Variants in TNFAIP8 observed in about 807,000 individuals in gnomAD.
The protein encoded by TNFAIP8 is tumor necrosis factor alpha-induced protein 8.
Under a neutral mutation model 13.3 loss-of-function variants are expected in TNFAIP8, and 7 were observed. The ratio of observed to expected loss-of-function variants is 0.52; its 90% CI spans 0.30 to 0.99. TNFAIP8 has a LOEUF of 0.99. Ranked by LOEUF, TNFAIP8 falls within the 50% of genes least tolerant of loss-of-function variation. The pLI is 0.07. For missense variants in TNFAIP8, 258 were observed against 236.9 expected, an observed-to-expected ratio of 1.09 and a Z score of -0.58; for synonymous variants, 94 against 87.6, an observed-to-expected ratio of 1.07 and a Z score of -0.41.
At chr5:119,303,135 AT>A (rs1749446711) in intron 1 of TNFAIP8, among the ~76,000 whole-genome samples, 1 of 152,146 alleles carries the variant, frequency 6.6e-6, no homozygotes, top group African/African-American at 2.4e-5. Context: ...TTCCCCACAG[AT>A]TCCTTTAGGG....
At chr5:119,359,987 T>C (rs1005421404) in intron 1 of TNFAIP8, among the ~76,000 whole-genome samples, 1 of 152,258 alleles carries the variant, frequency 6.6e-6, no homozygotes, top group Non-Finnish European at 1.5e-5. Flanking sequence ...AGATCTATCA[T>C]ACTCTCTCCT....
intron 1 of TNFAIP8, among the ~76,000 whole-genome samples, chr5:119,350,998 C>CTGTGTGTGTGTGTG (rs70982476): frequency 2.2e-5 from 3 of 137,872 alleles, no homozygotes; most frequent in African/African-American, 8.3e-5. Flanking sequence ...GGGTCTCACT[C>CTGTGTGTGTGTGTG]TGTGTGTGTG....
At chr5:119,290,917 G>A (rs1748963225) in intron 1 of TNFAIP8, among the ~76,000 whole-genome samples, 1 of 152,146 alleles carries the variant, frequency 6.6e-6, no homozygotes, top group Admixed American at 6.5e-5. Flanking sequence ...GTAGGAAGGG[G>A]TCAGGGCCTG....
chr5:119,318,926 T>A (rs1218279966), intron 1 of TNFAIP8, among the ~76,000 whole-genome samples: 1 of 152,176 alleles, frequency 6.6e-6, no homozygotes, highest in Non-Finnish European at 1.5e-5. Context: ...GTGGTTGGAA[T>A]GTTTTAAAAT....
chr5:119,273,081 G>T (rs529223927), intron 1 of TNFAIP8, among the ~76,000 whole-genome samples: 1 of 152,358 alleles, frequency 6.6e-6, no homozygotes, highest in Admixed American at 6.5e-5. Context: ...TGGTCCAAAT[G>T]ACTTTGCTGG....
intron 1 of TNFAIP8, among the ~76,000 whole-genome samples, chr5:119,333,806 G>A (rs1750459707): frequency 6.6e-6 from 1 of 152,152 alleles, no homozygotes. Flanking sequence ...CTATGGCTCT[G>A]GGTGTGGGGA....
At chr5:119,286,626 A>G (rs1019264409) in intron 1 of TNFAIP8, among the ~76,000 whole-genome samples, 1 of 151,778 alleles carries the variant, frequency 6.6e-6, no homozygotes, top group Non-Finnish European at 1.5e-5. Context: ...CCTCTCAAAA[A>G]AAAAAAAAAA....
In TNFAIP8 at chr5:119,392,845, C is replaced by G. The variant is rs747863089; in HGVS notation, c.61C>G (p.Leu21Val). The stretch of plus-strand genomic sequence containing the variant: ...CACAGATGTCTTTAATTCCAAAAAC[C>G]TGGCCGTTCAGGCACAAAAGAAGAT... The part of the protein sequence containing the change: ...VATDVFNSKN[L>V]AVQAQKKILG... Residue 21 changes from leucine (L) to valine (V), a missense_variant, in exon 2 of 2, where the codon CTG becomes GTG. Transcript: ENST00000504771. The G allele has an allele frequency of 4.5e-6, 7 of 1,550,458 alleles. No individual in the cohort carries two copies. In the South Asian group the frequency reaches 6.0e-5, roughly 13 times the overall value.
intron 1 of TNFAIP8, among the ~76,000 whole-genome samples, chr5:119,314,314 A>T (rs1204121473): frequency 6.6e-6 from 1 of 152,262 alleles, no homozygotes; most frequent in African/African-American, 2.4e-5. Context: ...ATAAATGCTG[A>T]TAGAAATAGT....
chr5:119,379,767 ATT>A (rs545895991), intron 1 of TNFAIP8, among the ~76,000 whole-genome samples: 1 of 151,778 alleles, frequency 6.6e-6, no homozygotes, highest in Non-Finnish European at 1.5e-5. Context: ...ATTTTTTTGT[ATT>A]TTTAGTAGAG....
intron 1 of TNFAIP8, among the ~76,000 whole-genome samples, chr5:119,361,863 G>A (rs1751648777): frequency 6.6e-6 from 1 of 152,166 alleles, no homozygotes; most frequent in South Asian, 2.1e-4. Context: ...CTGCTTCCAG[G>A]GTGCAGCCCC....
chr5:119,305,487 C>T (rs368071055), intron 1 of TNFAIP8, among the ~76,000 whole-genome samples: 21 of 152,220 alleles, frequency 1.4e-4, no homozygotes, highest in East Asian at 7.7e-4. Context: ...CCCAGCTGCT[C>T]GGAAGGCTGA....
At chr5:119,333,102 A>C in intron 1 of TNFAIP8, 4 of 632,728 alleles carry the variant, frequency 6.3e-6, no homozygotes, top group Non-Finnish European at 7.7e-6. Context: ...CCTTTTTTTT[A>C]GTTTTTTTTT....
At chr5:119,342,495 G>C (rs193008699) in intron 1 of TNFAIP8, among the ~76,000 whole-genome samples, 1 of 152,142 alleles carries the variant, frequency 6.6e-6, no homozygotes, top group Non-Finnish European at 1.5e-5. Context: ...GCCACTTAAA[G>C]CTGTGCTAAA....
At chr5:119,316,814 G>A (rs539909244) in intron 1 of TNFAIP8, among the ~76,000 whole-genome samples, 1 of 152,142 alleles carries the variant, frequency 6.6e-6, no homozygotes, top group Non-Finnish European at 1.5e-5. Flanking sequence ...TGCCCTGCCC[G>A]CAAGAGACAT....
chr5:119,272,602 G>C (rs908516528), intron 1 of TNFAIP8, among the ~76,000 whole-genome samples: 1 of 152,184 alleles, frequency 6.6e-6, no homozygotes, highest in Non-Finnish European at 1.5e-5. Context: ...TGATTCCATA[G>C]GATTTTGTTT....
intron 1 of TNFAIP8, among the ~76,000 whole-genome samples, chr5:119,284,508 C>T (rs1484708193): frequency 6.6e-6 from 1 of 151,944 alleles, no homozygotes; most frequent in Non-Finnish European, 1.5e-5. Flanking sequence ...TGGCAAAACC[C>T]CCTCTCTAAT....
chr5:119,293,795 G>A (rs574940045), intron 1 of TNFAIP8, among the ~76,000 whole-genome samples: 4 of 152,264 alleles, frequency 2.6e-5, no homozygotes, highest in South Asian at 4.1e-4. Context: ...TTGAAGGTGG[G>A]TTACAGATGA....
intron 1 of TNFAIP8, among the ~76,000 whole-genome samples, chr5:119,356,758 C>A (rs1394033885): frequency 6.7e-6 from 1 of 150,010 alleles, no homozygotes; most frequent in Non-Finnish European, 1.5e-5. Flanking sequence ...TCATTTACTC[C>A]TAACAGAGAA....
Sources: gnomAD v4.1 joint callset for allele counts (sites outside exome capture counted in the v4.1 genomes callset) on GRCh38, gnomAD v4.1.1 for gene constraint, MANE v1.5 for transcripts, NCBI Gene and HGNC (gene_info 2026-07-23, HGNC 2026-07-21) for gene names.